ZNF316: variants seen among roughly 807,000 people sequenced by gnomAD.
The protein encoded by ZNF316 is zinc finger protein 316.
A neutral mutation model predicts 75.6 loss-of-function variants in ZNF316; 23 were observed. The ratio of observed to expected loss-of-function variants is 0.30; its 90% CI spans 0.22 to 0.43. ZNF316 has a LOEUF of 0.43. ZNF316 is among the 20% of genes least tolerant of loss of function. The pLI is 1.00. For synonymous variants in ZNF316, 827 were observed against 666.2 expected, an observed-to-expected ratio of 1.24 and a Z score of -3.72; for missense variants, 1,266 against 1,409.4, an observed-to-expected ratio of 0.90 and a Z score of 1.63.
intron 6 of ZNF316, 121 bp from the exon 7 acceptor site, chr7:6,643,701 A>G: frequency 1.1e-6 from 1 of 914,812 alleles, no homozygotes; most frequent in Non-Finnish European, 1.4e-6. Flanking sequence ...GAAAGCCCTC[A>G]GTGCCATCTG....
intron 8 of ZNF316, among the ~76,000 whole-genome samples, chr7:6,646,536 C>T (rs967074150): frequency 1.3e-5 from 2 of 152,182 alleles, no homozygotes; most frequent in Non-Finnish European, 2.9e-5. Flanking sequence ...TTGAGAGCTA[C>T]CTGAGGGGCT....
At position 6,654,242 on chromosome 7, in the gene ZNF316, G is replaced by T; in HGVS notation, c.2646G>T (p.Thr882=). 2 of 1,221,486 alleles carry T rather than the reference G, an allele frequency of 1.6e-6. No individual in the cohort carries two copies. Among genetic ancestry groups the T allele is most frequent in the South Asian group, 3.9e-5 (1 of 25,396 alleles). 75.7% of individuals were successfully genotyped at this position (1,221,486 alleles called of 1,614,324 possible). The part of the protein sequence containing the change: ...SNLAKHRRGH[T]GERPFPCPEC... ...TGGCCAAGCACCGGCGCGGCCACAC[G>T]GGCGAACGCCCCTTCCCGTGCCCTG... Residue 882 remains threonine, a synonymous_variant, in exon 9 of 9, where the codon ACG becomes ACT. Transcript: ENST00000382252.
chr7:6,647,102 T>C (rs1022658166), intron 8 of ZNF316, among the ~76,000 whole-genome samples: 1 of 152,234 alleles, frequency 6.6e-6, no homozygotes, highest in East Asian at 1.9e-4. Flanking sequence ...TGTGGGTGCC[T>C]GCCAGTGGCA....
Position 6,654,305 on chromosome 7 carries a change from C to G in ZNF316, c.2709C>G (p.Val903=), listed in dbSNP as rs1372053711. The G allele has an allele frequency of 2.5e-6, 3 of 1,223,712 alleles. No homozygotes were observed. Among genetic ancestry groups the G allele is most frequent in the Middle Eastern group, 2.8e-4 (1 of 3,526 alleles). 75.8% of individuals were successfully genotyped at this position (1,223,712 alleles called of 1,614,324 possible). A position where few individuals can be genotyped will look rare whatever the true frequency, so the allele number is the denominator to read the frequency against. ...GKRFSQRSVL[V]THQRTHTGER... is the part of the protein sequence containing the mutation. ...GCTTTTCGCAGCGCTCGGTGCTGGT[C>G]ACGCACCAGCGCACACATACGGGCG... Residue 903 remains valine, a synonymous_variant, in exon 9 of 9, where the codon GTC becomes GTG. Transcript: ENST00000382252.
Position 6,653,922 on chromosome 7 carries a change from G to A in ZNF316, c.2326G>A (p.Val776Met), listed in dbSNP as rs1244199710. ...VRGHTGEKPF[V>M]CGVCGAGFSR... ...CGGCCACACGGGCGAGAAGCCGTTC[G>A]TGTGCGGCGTGTGCGGTGCGGGGTT... Residue 776 changes from valine to methionine, a missense_variant, in exon 9 of 9, where the codon GTG becomes ATG. Physicochemically the swap from Val to Met is conservative, Grantham distance 21. Coordinates refer to ENST00000382252, the MANE Select transcript of ZNF316 (RefSeq NM_001278559.2). 4.4e-6 allele frequency: 5 copies of A among 1,135,342 alleles called. No individual in the cohort carries two copies. Among genetic ancestry groups the A allele is most frequent in the South Asian group, 4.3e-5 (1 of 23,452 alleles). The allele number at this position is 1,135,342 out of a possible 1,614,324, so 70.3% of individuals were successfully genotyped here.
chr7:6,646,772 G>T (rs1779412643), intron 8 of ZNF316, among the ~76,000 whole-genome samples: 1 of 152,100 alleles, frequency 6.6e-6, no homozygotes, highest in South Asian at 2.1e-4. Context: ...GAGATCGCTG[G>T]GGCAGGACAG....
At position 6,653,819 on chromosome 7, in the gene ZNF316, C is replaced by T. The variant is rs1779565731; in HGVS notation, c.2223C>T (p.His741=). ...GSHLARHRRT[H]TGERPFPCPE... ...ACCTGGCGCGCCACCGGCGCACACA[C>T]ACCGGCGAGCGGCCCTTCCCGTGCC... Residue 741 remains histidine (H), a synonymous_variant, in exon 9 of 9, where the codon CAC becomes CAT. Transcript: ENST00000382252. 3 of 1,079,422 alleles carry T rather than the reference C, an allele frequency of 2.8e-6. No homozygotes were observed. Among genetic ancestry groups the T allele is most frequent in the Non-Finnish European group, 3.4e-6 (3 of 888,204 alleles). The allele number at this position is 1,079,422 out of a possible 1,614,324, so 66.9% of individuals were successfully genotyped here. A position where few individuals can be genotyped will look rare whatever the true frequency, so the allele number is the denominator to read the frequency against.
chr7:6,652,450 C>G lies in ZNF316; in HGVS notation c.854C>G (p.Pro285Arg). ...GGGGACGTGCCTGGGACGTGGGGGC[C>G]CGACGACTCGGATTCGGCGCAGACT... ...GVGDVPGTWGPDDSDSAQTPE... is the reference protein window; with the variant it reads ...GVGDVPGTWGRDDSDSAQTPE... Residue 285 changes from proline to arginine, a missense_variant, in exon 9 of 9, where the codon CCC becomes CGC. Physicochemically the swap from Pro to Arg is moderately radical, Grantham distance 103. Transcript: ENST00000382252. 8.1e-7 allele frequency: 1 copy of G among 1,231,938 alleles called. No homozygotes were observed. The highest frequency in any genetic ancestry group is 1.0e-6 in the Non-Finnish European group (1 of 987,860). 76.3% of individuals were successfully genotyped at this position (1,231,938 alleles called of 1,614,324 possible).
At chr7:6,646,921 C>T (rs572977794) in intron 8 of ZNF316, among the ~76,000 whole-genome samples, 1 of 152,234 alleles carries the variant, frequency 6.6e-6, no homozygotes, top group South Asian at 2.1e-4. Context: ...GATCAGGACC[C>T]ACCCCTCCTG....
At chr7:6,641,664 C>T (rs564898561) in intron 3 of ZNF316, among the ~76,000 whole-genome samples, 161 bp from the exon 4 acceptor site, 2 of 152,340 alleles carry the variant, frequency 1.3e-5, no homozygotes, top group South Asian at 2.1e-4. Context: ...CCTCAAGAGT[C>T]TCTGATCCCC....
At chr7:6,650,288 T>G (rs547564384) in intron 8 of ZNF316, among the ~76,000 whole-genome samples, 12 of 152,300 alleles carry the variant, frequency 7.9e-5, no homozygotes, top group African/African-American at 2.9e-4. Context: ...ACGGGGCTTT[T>G]CTTTGCTGCT....
chr7:6,643,902 C>G lies in ZNF316; in HGVS notation c.546C>G (p.Leu182=), dbSNP rs1190815888. Residue 182 remains leucine (L), a synonymous_variant, in exon 7 of 9, where the codon CTC becomes CTG. Transcript: ENST00000382252. ...GGCTGGAAGCAGACCAGCGGGGCCTCTACCAGGAAGTCATGCAGGAGAACT... is the reference window on the plus strand; with the variant it reads ...GGCTGGAAGCAGACCAGCGGGGCCTGTACCAGGAAGTCATGCAGGAGAACT... ...WERLEADQRG[L]YQEVMQENYG... 1.6e-6 allele frequency: 2 copies of G among 1,234,512 alleles called. No homozygotes were observed. The highest frequency in any genetic ancestry group is 3.1e-5 in the African/African-American group (2 of 64,462). 76.5% of individuals were successfully genotyped at this position (1,234,512 alleles called of 1,614,324 possible). A position where few individuals can be genotyped will look rare whatever the true frequency, so the allele number is the denominator to read the frequency against.
chr7:6,644,641 C>A, intron 8 of ZNF316, 48 bp downstream of exon 8: 2 of 1,119,608 alleles, frequency 1.8e-6, no homozygotes, highest in Non-Finnish European at 1.1e-6. Flanking sequence ...CTTCTCAGAG[C>A]TGTTGTCAAA....
chr7:6,648,066 C>G (rs1005160183), intron 8 of ZNF316, among the ~76,000 whole-genome samples: 1 of 152,164 alleles, frequency 6.6e-6, no homozygotes, highest in Non-Finnish European at 1.5e-5. Flanking sequence ...AGCTGGAGAG[C>G]CTGCAGTTGT....
chr7:6,648,773 G>A (rs1279760304), intron 8 of ZNF316, among the ~76,000 whole-genome samples: 1 of 152,202 alleles, frequency 6.6e-6, no homozygotes, highest in Non-Finnish European at 1.5e-5. Flanking sequence ...CCGTCCTGGC[G>A]GAACTGAGCA....
intron 8 of ZNF316, among the ~76,000 whole-genome samples, chr7:6,646,233 C>T (rs878946883): frequency 2.6e-5 from 4 of 152,304 alleles, no homozygotes; most frequent in Admixed American, 2.6e-4. Flanking sequence ...CGCCATTCTC[C>T]AGATACTTGG....
chr7:6,653,061 G>T lies in ZNF316; in HGVS notation c.1465G>T (p.Asp489Tyr). Residue 489 changes from aspartate (D) to tyrosine (Y), a missense_variant, in exon 9 of 9, where the codon GAC becomes TAC. Transcript: ENST00000382252. Reference sequence around the variant, plus strand: ...GGCCGACCGCCCGCACTGCTGTCCCGACTGCGGCCAGGCCTTCCGCCTGCG... The same window carrying T: ...GGCCGACCGCCCGCACTGCTGTCCCTACTGCGGCCAGGCCTTCCGCCTGCG... ...HTADRPHCCPDCGQAFRLRAD... is the reference protein window; with the variant it reads ...HTADRPHCCPYCGQAFRLRAD... 1 of 1,212,814 alleles carries T rather than the reference G, an allele frequency of 8.2e-7. No homozygotes were observed. The highest frequency in any genetic ancestry group is 4.1e-5 in the South Asian group (1 of 24,232). 75.1% of individuals were successfully genotyped at this position (1,212,814 alleles called of 1,614,324 possible). A position where few individuals can be genotyped will look rare whatever the true frequency, so the allele number is the denominator to read the frequency against.
At position 6,640,673 on chromosome 7, in the gene ZNF316, T is replaced by C. The variant is rs1298523573; in HGVS notation, c.-166-1152T>C. 2.0e-5 allele frequency among the ~76,000 whole-genome samples: 3 copies of C among 152,170 alleles called. No individual in the cohort carries two copies. The highest frequency in any genetic ancestry group is 7.2e-5 in the African/African-American group (3 of 41,454). On this transcript the variant is annotated intron_variant, in intron 3 of 8. Coordinates refer to ENST00000382252, the MANE Select transcript of ZNF316 (RefSeq NM_001278559.2). The surrounding 1 kb of genome is among the most constrained non-coding windows in gnomAD (Gnocchi z 5.1). ...CTTCCAGTCTCACGCTGAAGCATGA[T>C]TTCCAGTGCTGGAGGCGGGCCTGCT... is the stretch of plus-strand genomic sequence containing the variant.
At chr7:6,651,846 C>T (rs1583446190) in intron 8 of ZNF316, among the ~76,000 whole-genome samples, 1 of 152,206 alleles carries the variant, frequency 6.6e-6, no homozygotes, top group Non-Finnish European at 1.5e-5. Context: ...TCCAGGAAGG[C>T]CAGGGAGGCG....
Sources: gnomAD v4.1 joint callset for allele counts (sites outside exome capture counted in the v4.1 genomes callset) on GRCh38, gnomAD v4.1.1 for gene constraint, Gnocchi (gnomAD v3.1) non-coding constraint, MANE v1.5 for transcripts, NCBI Gene and HGNC (gene_info 2026-07-23, HGNC 2026-07-21) for gene names.